The following KCNJ6 variants were observed in gnomAD, a reference collection of about 807,000 sequenced individuals.
KCNJ6 encodes the protein G protein-activated inward rectifier potassium channel 2.
In KCNJ6, 9 loss-of-function variants were observed where a neutral mutation model predicts 34.2. That is an observed-to-expected ratio of 0.26 (90% CI 0.16 to 0.46). KCNJ6 has a LOEUF of 0.46. KCNJ6 is among the 20% of genes least tolerant of loss of function. The pLI, the probability that KCNJ6 is intolerant of heterozygous loss-of-function variation, is 1.00. For missense variants in KCNJ6, 236 were observed against 531.3 expected (o/e 0.44, Z 5.46); for synonymous variants, 196 against 207.1 (o/e 0.95, Z 0.46).
intron 1 of KCNJ6, among the ~76,000 whole-genome samples, chr21:37,874,788 C>A (rs1398445716): frequency 6.6e-6 from 1 of 152,116 alleles, no homozygotes; most frequent in East Asian, 1.9e-4. Flanking sequence ...TGACAGTTCA[C>A]ATTCGATCTC....
intron 2 of KCNJ6, among the ~76,000 whole-genome samples, chr21:37,764,179 G>A (rs1016654486): frequency 6.6e-6 from 1 of 152,096 alleles, no homozygotes; most frequent in East Asian, 1.9e-4. Flanking sequence ...TTGAGGGTCT[G>A]GTAATGCAAG....
intron 2 of KCNJ6, among the ~76,000 whole-genome samples, chr21:37,734,409 AGAG>A (rs1164014617): frequency 6.6e-6 from 1 of 152,144 alleles, no homozygotes; most frequent in Non-Finnish European, 1.5e-5. Context: ...TATAGCGGAG[AGAG>A]CACCAGCGAG....
intron 2 of KCNJ6, among the ~76,000 whole-genome samples, chr21:37,815,414 TTAAAAA>T (rs2055342090): frequency 6.6e-6 from 1 of 151,964 alleles, no homozygotes; most frequent in Non-Finnish European, 1.5e-5. Flanking sequence ...CCCACGAAAA[TTAAAAA>T]TAAAAGATGG....
intron 3 of KCNJ6, among the ~76,000 whole-genome samples, chr21:37,659,930 G>T (rs528629989): frequency 6.6e-6 from 1 of 152,362 alleles, no homozygotes; most frequent in East Asian, 1.9e-4. Flanking sequence ...TGTTTAAAAT[G>T]CTGGCTATAT....
At chr21:37,777,727 C>T (rs987465623) in intron 2 of KCNJ6, among the ~76,000 whole-genome samples, 1 of 152,312 alleles carries the variant, frequency 6.6e-6, no homozygotes, top group East Asian at 1.9e-4. Flanking sequence ...TCATATAACA[C>T]AAGTCTTGCC....
chr21:37,739,920 A>AG (rs1028715110), intron 2 of KCNJ6, among the ~76,000 whole-genome samples: 3 of 151,698 alleles, frequency 2.0e-5, no homozygotes, highest in African/African-American at 4.8e-5. Flanking sequence ...TTTGAAAAAA[A>AG]AAAAGATCAG....
intron 1 of KCNJ6, among the ~76,000 whole-genome samples, chr21:37,880,746 C>T (rs1473800367): frequency 1.3e-5 from 2 of 152,188 alleles, no homozygotes; most frequent in African/African-American, 2.4e-5. Context: ...GTGTTTTTAT[C>T]CAGGGCTTTC....
chr21:37,882,755 G>A (rs1295845373), intron 1 of KCNJ6, among the ~76,000 whole-genome samples: 6 of 152,174 alleles, frequency 3.9e-5, no homozygotes, highest in South Asian at 2.1e-4. Context: ...CTACTAAATC[G>A]ACTTAAGCTC....
Position 37,683,770 on chromosome 21 carries a change from T to C in KCNJ6, c.946+30441A>G, listed in dbSNP as rs1045061447. Among the ~76,000 whole-genome samples, 3 of 152,008 alleles carry C rather than the reference T, an allele frequency of 2.0e-5. 1 individual carries two copies. Among genetic ancestry groups the C allele is most frequent in the Non-Finnish European group, 2.9e-5 (2 of 67,974 alleles). Reference sequence around the variant, plus strand: ...GCCCCACAGAGCTGGGGTCTGGACCTGGGGCCAGGCTTCTTTCTTGGTGCG... The same window carrying C: ...GCCCCACAGAGCTGGGGTCTGGACCCGGGGCCAGGCTTCTTTCTTGGTGCG... On this transcript the variant is annotated intron_variant, in intron 3 of 3. Coordinates refer to ENST00000609713, the MANE Select transcript of KCNJ6 (RefSeq NM_002240.5).
intron 2 of KCNJ6, among the ~76,000 whole-genome samples, chr21:37,782,149 C>A (rs1242020569): frequency 6.6e-6 from 1 of 151,852 alleles, no homozygotes; most frequent in Non-Finnish European, 1.5e-5. Context: ...AGAGAGAGAA[C>A]AGAGACAGAA....
At chr21:37,625,734 G>A (rs935131447) in intron 3 of KCNJ6, among the ~76,000 whole-genome samples, 1 of 152,238 alleles carries the variant, frequency 6.6e-6, no homozygotes, top group African/African-American at 2.4e-5. Context: ...TGCCTGCATG[G>A]CCATGCACAT....
chr21:37,889,275 A>G (rs2055750333), intron 1 of KCNJ6, among the ~76,000 whole-genome samples: 1 of 152,178 alleles, frequency 6.6e-6, no homozygotes, highest in Non-Finnish European at 1.5e-5. Context: ...TGAGATTCCT[A>G]TCTGCAATCC....
intron 1 of KCNJ6, among the ~76,000 whole-genome samples, chr21:37,901,528 G>A (rs74640316): frequency 0.015 from 2,311 of 152,278 alleles, 53 homozygotes; most frequent in African/African-American, 0.053. Flanking sequence ...TGACTTTACC[G>A]TAAAACTTTG....
intron 3 of KCNJ6, among the ~76,000 whole-genome samples, chr21:37,626,637 T>G (rs955340014): frequency 3.3e-5 from 5 of 152,176 alleles, no homozygotes; most frequent in African/African-American, 9.7e-5. Flanking sequence ...GTGTGGTTTT[T>G]TAAAATTTTT....
At chr21:37,734,604 G>A (rs1435039747) in intron 2 of KCNJ6, among the ~76,000 whole-genome samples, 1 of 152,134 alleles carries the variant, frequency 6.6e-6, no homozygotes, top group Non-Finnish European at 1.5e-5. Flanking sequence ...TTAACGATCA[G>A]CTGTCATGAG....
chr21:37,830,940 G>A (rs533254373), intron 2 of KCNJ6, among the ~76,000 whole-genome samples: 1 of 152,318 alleles, frequency 6.6e-6, no homozygotes, highest in East Asian at 1.9e-4. Flanking sequence ...ATGGCCGTTA[G>A]GGGGAAGATC....
intron 2 of KCNJ6, among the ~76,000 whole-genome samples, chr21:37,729,697 T>C (rs1376737505): frequency 1.3e-5 from 2 of 152,216 alleles, no homozygotes; most frequent in Non-Finnish European, 2.9e-5. Context: ...GAACCTGTCA[T>C]GACCATCATG....
chr21:37,830,431 G>T (rs373222904), intron 2 of KCNJ6, among the ~76,000 whole-genome samples: 21 of 152,254 alleles, frequency 1.4e-4, no homozygotes, highest in East Asian at 9.7e-4. Flanking sequence ...TCCCCTGGGG[G>T]TGACTTTGCT....
intron 3 of KCNJ6, among the ~76,000 whole-genome samples, chr21:37,687,927 T>C (rs2054622827): frequency 6.6e-6 from 1 of 152,174 alleles, no homozygotes; most frequent in Non-Finnish European, 1.5e-5. Context: ...GATGATGGAA[T>C]GGTTTCTTTG....
Sources: allele counts gnomAD v4.1 joint callset (sites outside exome capture counted in the v4.1 genomes callset), GRCh38; gene constraint gnomAD v4.1.1; transcripts MANE v1.5; gene names NCBI Gene and HGNC (gene_info 2026-07-23, HGNC 2026-07-21).